MYT1L: variants seen among roughly 807,000 people sequenced by gnomAD.
MYT1L encodes the protein myelin transcription factor 1 like.
MYT1L carries 12 observed loss-of-function variants against 126.7 expected under a neutral mutation model. That is an observed-to-expected ratio of 0.09 (90% confidence interval 0.06 to 0.15). The LOEUF (loss-of-function observed/expected upper bound fraction) is 0.15. Among genes scored for constraint, MYT1L ranks in the 10% least tolerant of loss-of-function variants. The probability of loss-of-function intolerance (pLI) is 1.00; values close to 1 mark genes in which losing one functional copy is unlikely to be tolerated. For synonymous variants in MYT1L, 541 were observed against 604.2 expected, an observed-to-expected ratio of 0.90 and a Z score of 1.53; for missense variants, 979 against 1,585.2, an observed-to-expected ratio of 0.62 and a Z score of 6.49.
intron 18 of MYT1L, among the ~76,000 whole-genome samples, chr2:1,866,898 G>A (rs1304160518): frequency 4.1e-5 from 6 of 144,604 alleles, no homozygotes; most frequent in South Asian, 2.3e-4. Context: ...GGGAAAGGGT[G>A]AGAGACAGAG....
At chr2:1,870,529 A>G (rs2046149199) in intron 18 of MYT1L, among the ~76,000 whole-genome samples, 1 of 152,204 alleles carries the variant, frequency 6.6e-6, no homozygotes, top group South Asian at 2.1e-4. Context: ...CTCAGTGACC[A>G]GGGGTCTCTT....
chr2:1,951,618 G>A (rs975328730), intron 8 of MYT1L, among the ~76,000 whole-genome samples: 2 of 152,202 alleles, frequency 1.3e-5, no homozygotes, highest in Non-Finnish European at 2.9e-5. Flanking sequence ...AGTCGCTCCA[G>A]GATCTGCCCC....
At chr2:2,111,172 T>C (rs2079402267) in intron 3 of MYT1L, among the ~76,000 whole-genome samples, 1 of 152,188 alleles carries the variant, frequency 6.6e-6, no homozygotes, top group Non-Finnish European at 1.5e-5. Context: ...CAGCACAGCC[T>C]AGCCCTGCTC....
At chr2:2,313,071 T>C (rs2096001987) in intron 1 of MYT1L, among the ~76,000 whole-genome samples, 1 of 152,166 alleles carries the variant, frequency 6.6e-6, no homozygotes, top group Non-Finnish European at 1.5e-5. Context: ...CTGAAGAAAT[T>C]ACAATTTGTG....
chr2:1,921,222 T>C (rs2053534645), intron 10 of MYT1L, among the ~76,000 whole-genome samples: 1 of 152,196 alleles, frequency 6.6e-6, no homozygotes, highest in Non-Finnish European at 1.5e-5. Flanking sequence ...TTTTGGGTGC[T>C]AACATAGAGG....
chr2:2,065,540 C>T (rs1050905049), intron 3 of MYT1L, among the ~76,000 whole-genome samples: 10 of 152,154 alleles, frequency 6.6e-5, no homozygotes, highest in African/African-American at 1.9e-4. Flanking sequence ...TTTAATCACC[C>T]TCCCCTAACC....
In MYT1L at chr2:1,872,011, T is replaced by C. The variant is rs577895136; in HGVS notation, c.2711+14528A>G. Among the ~76,000 whole-genome samples the C allele has an allele frequency of 5.9e-5, 9 of 152,272 alleles. 1 individual carries two copies. In the South Asian group the frequency reaches 1.5e-3, roughly 25 times the overall value. Reference sequence around the variant, plus strand: ...GTAGAGACAATGGAGCACCTCGCATTGTACTTGATGGGTAACTGATCAAGG... The same window carrying C: ...GTAGAGACAATGGAGCACCTCGCATCGTACTTGATGGGTAACTGATCAAGG... On this transcript the variant is annotated intron_variant, in intron 18 of 24. Coordinates refer to ENST00000647738, the MANE Select transcript of MYT1L (RefSeq NM_001303052.2).
intron 4 of MYT1L, among the ~76,000 whole-genome samples, chr2:2,033,736 T>TC (rs2066673454): frequency 6.6e-6 from 1 of 152,090 alleles, no homozygotes; most frequent in Non-Finnish European, 1.5e-5. Flanking sequence ...TGATTGGCAA[T>TC]CCCCAGCTGT....
rs1553341736 is a variant in MYT1L at position 1,943,409 on chromosome 2, C to A, written c.153-75G>T. The A allele has an allele frequency of 1.4e-6, 2 of 1,430,914 alleles. No homozygotes were observed. Among genetic ancestry groups the A allele is most frequent in the Non-Finnish European group, 1.8e-6 (2 of 1,087,358 alleles). The allele number at this position is 1,430,914 out of a possible 1,614,324, so 88.6% of individuals were successfully genotyped here. On this transcript the variant is annotated intron_variant, in intron 8 of 24. Coordinates refer to ENST00000647738, the MANE Select transcript of MYT1L (RefSeq NM_001303052.2). This position sits in a 1 kb window ranked among gnomAD's most constrained non-coding sequence, Gnocchi z 4.4. ...GTGTTACTGTCTTTTAAAATCAGAC[C>A]AATGGGGGCCTTGATCAAGGTACTT...
chr2:2,149,761 T>C (rs527735548), intron 3 of MYT1L, among the ~76,000 whole-genome samples: 1 of 151,912 alleles, frequency 6.6e-6, no homozygotes, highest in South Asian at 2.1e-4. Flanking sequence ...TGCAGACAAG[T>C]TGGTCTCAAA....
chr2:2,017,829 G>A (rs1318563500), intron 4 of MYT1L, among the ~76,000 whole-genome samples: 1 of 152,014 alleles, frequency 6.6e-6, no homozygotes, highest in Non-Finnish European at 1.5e-5. Context: ...TAGGTTTCTG[G>A]GGCAGAGACT....
At chr2:2,230,232 A>G (rs990267881) in intron 2 of MYT1L, among the ~76,000 whole-genome samples, 1 of 152,236 alleles carries the variant, frequency 6.6e-6, no homozygotes, top group Admixed American at 6.5e-5. Context: ...AAAGGCAGGC[A>G]GCTGCTGGGT....
chr2:2,278,059 C>G (rs933017639), intron 2 of MYT1L, among the ~76,000 whole-genome samples: 1 of 152,174 alleles, frequency 6.6e-6, no homozygotes, highest in African/African-American at 2.4e-5. Flanking sequence ...ACTTCTTTTC[C>G]TATATAACAA....
At chr2:2,148,013 A>T (rs952322901) in intron 3 of MYT1L, among the ~76,000 whole-genome samples, 1 of 152,204 alleles carries the variant, frequency 6.6e-6, no homozygotes, top group Non-Finnish European at 1.5e-5. Flanking sequence ...ATGCTGTTGG[A>T]GGAGATTGGC....
At chr2:2,225,674 C>T (rs78436173) in intron 2 of MYT1L, among the ~76,000 whole-genome samples, 2,777 of 152,238 alleles carry the variant, frequency 0.018, 33 homozygotes, top group Non-Finnish European at 0.028. Flanking sequence ...TCCTGCTCCT[C>T]CATGAGCCGG....
chr2:2,052,942 C>T (rs771899112), intron 4 of MYT1L, among the ~76,000 whole-genome samples: 2 of 152,078 alleles, frequency 1.3e-5, no homozygotes, highest in Non-Finnish European at 2.9e-5. Flanking sequence ...TGGGTTGATG[C>T]TCAGGAAATG....
chr2:1,809,460 G>C (rs1014794820), intron 21 of MYT1L, among the ~76,000 whole-genome samples: 6 of 152,116 alleles, frequency 3.9e-5, no homozygotes, highest in African/African-American at 1.4e-4. Flanking sequence ...GAGGAAATCT[G>C]CCCTTCATTG....
chr2:1,937,364 G>T (rs745436109), intron 9 of MYT1L, among the ~76,000 whole-genome samples: 10 of 152,172 alleles, frequency 6.6e-5, no homozygotes, highest in Non-Finnish European at 1.2e-4. Flanking sequence ...CGCACAGCGA[G>T]AAGGCCCTAA....
chr2:2,266,659 A>T (rs2095137192), intron 2 of MYT1L, among the ~76,000 whole-genome samples: 1 of 152,118 alleles, frequency 6.6e-6, no homozygotes, highest in African/African-American at 2.4e-5. Context: ...TCCCCACCCA[A>T]ATCTCATCTT....
Sources: allele counts gnomAD v4.1 joint callset (sites outside exome capture counted in the v4.1 genomes callset), GRCh38; gene constraint gnomAD v4.1.1; non-coding constraint Gnocchi (gnomAD v3.1); transcripts MANE v1.5; gene names NCBI Gene and HGNC (gene_info 2026-07-23, HGNC 2026-07-21).